C8orf34: variants seen among roughly 807,000 people sequenced by gnomAD.
The protein encoded by C8orf34 is chromosome 8 open reading frame 34, also known as uncharacterized protein C8orf34.
In C8orf34, 65 loss-of-function variants were observed where a neutral mutation model predicts 68.3. The ratio of observed to expected loss-of-function variants is 0.95; its 90% CI spans 0.78 to 1.17. The LOEUF (loss-of-function observed/expected upper bound fraction) is 1.17, where lower values mean the gene tolerates loss of function less well. C8orf34 is among the 50% of genes most tolerant of loss of function. C8orf34 has a pLI of 0.00. For missense variants in C8orf34, 664 were observed against 655.4 expected (o/e 1.01, Z -0.14); for synonymous variants, 244 against 241.2 (o/e 1.01, Z -0.11).
chr8:68,748,193 C>T (rs1263426893), intron 10 of C8orf34, among the ~76,000 whole-genome samples: 5 of 128,020 alleles, frequency 3.9e-5, no homozygotes, highest in Non-Finnish European at 8.3e-5. Context: ...ATGTAGAAAG[C>T]TGAAACTGGA....
Position 68,721,418 on chromosome 8 carries a change from C to T in C8orf34, c.1385C>T (p.Ala462Val), listed in dbSNP as rs2129526460. 1 of 1,607,570 alleles carries T rather than the reference C, an allele frequency of 6.2e-7. No homozygotes were observed. Residue 462 changes from alanine (A) to valine (V), a missense_variant, in exon 10 of 14, where the codon GCA becomes GTA. By Grantham distance (64) the Ala-to-Val change is moderately conservative (BLOSUM62 0). Transcript: ENST00000518698. ...GAGGAGGGTGACGAATTTGAGAAAGCATCTAAACTAACAGGACCTGTAAGT... is the reference window on the plus strand; with the variant it reads ...GAGGAGGGTGACGAATTTGAGAAAGTATCTAAACTAACAGGACCTGTAAGT... The part of the protein sequence containing the change: ...LMEEGDEFEK[A>V]SKLTGPGEAS...
chr8:68,704,650 C>T (rs914649854), intron 8 of C8orf34, among the ~76,000 whole-genome samples: 2 of 152,168 alleles, frequency 1.3e-5, no homozygotes, highest in South Asian at 4.1e-4. Context: ...AAGATCACAT[C>T]CACCCACAAC....
rs571466708 is a variant in C8orf34, at chr8:68,630,770, A to G, written c.1106-9606A>G. Among the ~76,000 whole-genome samples the G allele has an allele frequency of 1.2e-3, 182 of 151,952 alleles. 2 individuals carry two copies. The highest frequency in any genetic ancestry group is 4.2e-3 in the African/African-American group (173 of 41,460). On this transcript the variant is annotated intron_variant, in intron 7 of 13. Coordinates refer to ENST00000518698, the MANE Select transcript of C8orf34 (RefSeq NM_052958.4). ...TATTTAATTGGTTTTTAATAAATATACCTACAATTATATTTCAGTTTTTTT... is the reference window on the plus strand; with the variant it reads ...TATTTAATTGGTTTTTAATAAATATGCCTACAATTATATTTCAGTTTTTTT...
At chr8:68,570,044 C>T (rs1288919126) in intron 7 of C8orf34, among the ~76,000 whole-genome samples, 1 of 152,138 alleles carries the variant, frequency 6.6e-6, no homozygotes, top group Non-Finnish European at 1.5e-5. Context: ...TTTTCATGCT[C>T]TTATATTCCC....
intron 10 of C8orf34, among the ~76,000 whole-genome samples, chr8:68,771,170 A>C (rs1823324432): frequency 6.6e-6 from 1 of 152,222 alleles, no homozygotes; most frequent in African/African-American, 2.4e-5. Flanking sequence ...ATACATCAAT[A>C]ATTTCAAAGA....
intron 8 of C8orf34, among the ~76,000 whole-genome samples, chr8:68,663,181 T>A (rs1013524285): frequency 1.3e-5 from 2 of 152,236 alleles, no homozygotes; most frequent in Non-Finnish European, 2.9e-5. Flanking sequence ...GACCACCTCA[T>A]CATAACTTAG....
intron 1 of C8orf34, among the ~76,000 whole-genome samples, chr8:68,433,696 C>A (rs772854005): frequency 1.3e-5 from 2 of 152,138 alleles, no homozygotes. Flanking sequence ...GTGTACAAAT[C>A]GAAGTTTCTG....
At chr8:68,738,435 G>T (rs1337680885) in intron 10 of C8orf34, among the ~76,000 whole-genome samples, 1 of 151,612 alleles carries the variant, frequency 6.6e-6, no homozygotes, top group African/African-American at 2.4e-5. Flanking sequence ...CAGAAGACAA[G>T]AAATAACAAA....
At chr8:68,526,615 G>A (rs1321424208) in intron 6 of C8orf34, among the ~76,000 whole-genome samples, 2 of 149,954 alleles carry the variant, frequency 1.3e-5, no homozygotes, top group Middle Eastern at 3.5e-3. Flanking sequence ...AATTGAGTGT[G>A]AAACTTTTCA....
intron 8 of C8orf34, among the ~76,000 whole-genome samples, chr8:68,693,778 C>T (rs575560600): frequency 1.2e-3 from 178 of 152,178 alleles, no homozygotes; most frequent in Non-Finnish European, 2.3e-3. Flanking sequence ...AACAGTGACC[C>T]AGTTCTGCCA....
chr8:68,799,050 T>C (rs1824257529), intron 12 of C8orf34, among the ~76,000 whole-genome samples: 1 of 152,136 alleles, frequency 6.6e-6, no homozygotes, highest in Non-Finnish European at 1.5e-5. Context: ...ATTTAAACAA[T>C]GAGATGATAG....
intron 10 of C8orf34, among the ~76,000 whole-genome samples, chr8:68,770,137 T>C (rs1823298169): frequency 6.6e-6 from 1 of 152,214 alleles, no homozygotes; most frequent in African/African-American, 2.4e-5. Context: ...AATAATACCA[T>C]ACTTTCCAGT....
intron 1 of C8orf34, among the ~76,000 whole-genome samples, chr8:68,344,393 A>T (rs1326566396): frequency 6.6e-6 from 1 of 152,178 alleles, no homozygotes; most frequent in Non-Finnish European, 1.5e-5. Context: ...GGTGTCAGGG[A>T]TGGAGTAGGG....
intron 7 of C8orf34, among the ~76,000 whole-genome samples, chr8:68,587,897 A>G (rs931478008): frequency 1.1e-4 from 16 of 152,160 alleles, no homozygotes; most frequent in Non-Finnish European, 1.8e-4. Context: ...ATGTGAATGC[A>G]GTCTCAGACT....
intron 8 of C8orf34, among the ~76,000 whole-genome samples, chr8:68,649,420 C>T (rs745318283): frequency 6.6e-5 from 10 of 152,070 alleles, no homozygotes; most frequent in African/African-American, 2.2e-4. Context: ...GACGATAGTG[C>T]CATGGGAGAA....
At chr8:68,662,070 T>C (rs1055658399) in intron 8 of C8orf34, among the ~76,000 whole-genome samples, 1 of 152,136 alleles carries the variant, frequency 6.6e-6, no homozygotes, top group Non-Finnish European at 1.5e-5. Context: ...AGCCAGACGA[T>C]TGAAGTTTTT....
At chr8:68,680,826 G>C (rs1415639299) in intron 8 of C8orf34, among the ~76,000 whole-genome samples, 1 of 152,014 alleles carries the variant, frequency 6.6e-6, no homozygotes, top group Non-Finnish European at 1.5e-5. Flanking sequence ...TACCAGGGTG[G>C]AGTTTTTCCC....
chr8:68,615,455 A>T (rs972203226), intron 7 of C8orf34, among the ~76,000 whole-genome samples: 6 of 151,972 alleles, frequency 3.9e-5, no homozygotes, highest in Admixed American at 3.9e-4. Context: ...TTATTTTGAG[A>T]TACGTCCCAT....
chr8:68,570,533 A>G (rs916441582), intron 7 of C8orf34, among the ~76,000 whole-genome samples: 2 of 152,232 alleles, frequency 1.3e-5, no homozygotes, highest in Non-Finnish European at 2.9e-5. Flanking sequence ...ATATCATAAT[A>G]GTTGCAGTTC....
Sources: allele counts gnomAD v4.1 joint callset (sites outside exome capture counted in the v4.1 genomes callset), GRCh38; gene constraint gnomAD v4.1.1; transcripts MANE v1.5; gene names NCBI Gene and HGNC (gene_info 2026-07-23, HGNC 2026-07-21).